Variants in MAPK14 observed in about 807,000 individuals in gnomAD.
The protein encoded by MAPK14 is mitogen-activated protein kinase 14, also known as CSAID-binding protein.
A neutral mutation model predicts 49.6 loss-of-function variants in MAPK14; 16 were observed. The observed-to-expected ratio is 0.32, with a 90% CI of 0.22 to 0.49. The LOEUF (loss-of-function observed/expected upper bound fraction) is 0.49, where lower values mean the gene tolerates loss of function less well. MAPK14 is among the 20% of genes least tolerant of loss of function. The pLI is 0.99. For synonymous variants in MAPK14, 142 were observed against 158.0 expected (o/e 0.90, Z 0.76); for missense variants, 200 against 441.2 (o/e 0.45, Z 4.90).
downstream of MAPK14, among the ~76,000 whole-genome samples, chr6:36,115,281 A>G (rs1239959979): frequency 6.6e-6 from 1 of 152,260 alleles, no homozygotes; most frequent in Non-Finnish European, 1.5e-5. Flanking sequence ...GCAGAAAAGA[A>G]GAAGGTGTAA....
intron 11 of MAPK14, 75 bp from the exon 12 acceptor site, chr6:36,108,305 T>C: frequency 9.1e-7 from 1 of 1,103,974 alleles, no homozygotes; most frequent in Admixed American, 1.7e-5. Flanking sequence ...GATCTTGAGC[T>C]TAGAAGTCAG....
At chr6:36,053,978 C>G (rs1163713275) in intron 2 of MAPK14, among the ~76,000 whole-genome samples, 1 of 126,418 alleles carries the variant, frequency 7.9e-6, no homozygotes, top group Non-Finnish European at 1.7e-5. Flanking sequence ...TATAATTTTA[C>G]TTAAGTAGCT....
At chr6:36,122,964 G>T in the MAPK14 span, among the ~76,000 whole-genome samples, 1 of 152,154 alleles carries the variant, frequency 6.6e-6, no homozygotes, top group East Asian at 1.9e-4. Flanking sequence ...CTGTGGAGGG[G>T]GAAGCGGGTG....
At chr6:36,068,216 A>G (rs1436039561) in intron 3 of MAPK14, among the ~76,000 whole-genome samples, 1 of 152,200 alleles carries the variant, frequency 6.6e-6, no homozygotes, top group Non-Finnish European at 1.5e-5. Flanking sequence ...GTCCTGAGGC[A>G]GACTGCATGA....
chr6:36,063,616 G>A (rs75410927), intron 3 of MAPK14, among the ~76,000 whole-genome samples: 2,651 of 152,222 alleles, frequency 0.017, 78 homozygotes, highest in African/African-American at 0.06. Flanking sequence ...TTGTTATGTG[G>A]TACATGACTA....
In MAPK14 at chr6:36,075,958, G is replaced by A. The variant is rs1263079779; in HGVS notation, c.606G>A (p.Gln202=). The A allele has an allele frequency of 6.2e-7, 1 of 1,614,048 alleles. No homozygotes were observed. Among genetic ancestry groups the A allele is most frequent in the Admixed American group, 1.7e-5 (1 of 60,018 alleles). The change falls in exon 7 of 12, where the codon CAG becomes CAA. Residue 202 remains glutamine, a synonymous_variant. Transcript: ENST00000229794. Reference sequence around the variant, plus strand: ...TGCTGAACTGGATGCATTACAACCAGACAGGTATTACTCGCCTTGGTTATT... The same window carrying A: ...TGCTGAACTGGATGCATTACAACCAAACAGGTATTACTCGCCTTGGTTATT... The part of the protein sequence containing the change: ...EIMLNWMHYN[Q]TVDIWSVGCI...
chr6:36,109,509 A>G lies in MAPK14; in HGVS notation c.*1062A>G, dbSNP rs1340327828. 1 of 152,648 alleles carries G rather than the reference A, an allele frequency of 6.6e-6. No homozygotes were observed. Among genetic ancestry groups the G allele is most frequent in the Non-Finnish European group, 1.5e-5 (1 of 68,038 alleles). The allele number at this position is 152,648 out of a possible 1,614,324, so 9.5% of individuals were successfully genotyped here. On this transcript the variant is annotated 3_prime_UTR_variant, in exon 12 of 12. Transcript: ENST00000229794. Reference sequence around the variant, plus strand: ...ATCCCATGTCACCTCAGCTGATATTATGGCAAGTGATATCACCTCTCTTCA... The same window carrying G: ...ATCCCATGTCACCTCAGCTGATATTGTGGCAAGTGATATCACCTCTCTTCA...
chr6:36,043,856 G>A (rs1284115063), intron 1 of MAPK14, among the ~76,000 whole-genome samples: 1 of 138,556 alleles, frequency 7.2e-6, no homozygotes, highest in Non-Finnish European at 1.5e-5. Flanking sequence ...TGTTGCCCAG[G>A]CTGGAGTGCA....
At chr6:36,087,161 A>G (rs1193840338) in intron 8 of MAPK14, among the ~76,000 whole-genome samples, 1 of 152,194 alleles carries the variant, frequency 6.6e-6, no homozygotes, top group East Asian at 1.9e-4. Flanking sequence ...TAAGCCATGT[A>G]AGACAAACCC....
rs140975355 is a variant in MAPK14, at chr6:36,092,461, C to T, written c.683-3526C>T. ...AGCGTTCTCTGCAGCACAGGGATGA[C>T]CGCTACATCATCACCAGTCTGTTCT... is the stretch of plus-strand genomic sequence containing the variant. On this transcript the variant is annotated intron_variant, in intron 8 of 11. Transcript: ENST00000229794. 217 of 648,364 alleles carry T rather than the reference C, an allele frequency of 3.3e-4. 1 individual carries two copies. The highest frequency in any genetic ancestry group is 1.2e-3 in the Middle Eastern group (4 of 3,422). The allele number at this position is 648,364 out of a possible 1,614,324, so 40.2% of individuals were successfully genotyped here.
intron 1 of MAPK14, among the ~76,000 whole-genome samples, chr6:36,034,350 T>G (rs1434265676): frequency 6.6e-6 from 1 of 152,268 alleles, no homozygotes; most frequent in Non-Finnish European, 1.5e-5. Flanking sequence ...AATTCTTCAG[T>G]GTACATTTAT....
chr6:36,046,360 T>C (rs1443079980), intron 1 of MAPK14, among the ~76,000 whole-genome samples: 2 of 152,218 alleles, frequency 1.3e-5, no homozygotes, highest in Non-Finnish European at 2.9e-5. Flanking sequence ...ATAAAGATAA[T>C]TTCATTTTAT....
rs1426625949 is a variant in MAPK14, at chr6:36,028,852, T to C, written c.116+579T>C. 1.3e-5 allele frequency among the ~76,000 whole-genome samples: 2 copies of C among 151,036 alleles called. No homozygotes were observed. Among genetic ancestry groups the C allele is most frequent in the African/African-American group, 4.9e-5 (2 of 40,890 alleles). On this transcript the variant is annotated intron_variant, in intron 1 of 11. Coordinates refer to ENST00000229794, the MANE Select transcript of MAPK14 (RefSeq NM_139012.3). The surrounding 1 kb of genome is among the most constrained non-coding windows in gnomAD (Gnocchi z 5.1). ...AATCCCATCTTGAAAAGCGTTCTTTTTGAATTCGCACTTGAATTAACAGCG... is the reference window on the plus strand; with the variant it reads ...AATCCCATCTTGAAAAGCGTTCTTTCTGAATTCGCACTTGAATTAACAGCG...
At chr6:36,097,779 G>A (rs894927406) in intron 9 of MAPK14, 1 of 152,158 alleles carries the variant, frequency 6.6e-6, no homozygotes, top group Non-Finnish European at 1.5e-5. Context: ...AACAATGAGT[G>A]CACAGCCTAA....
intron 2 of MAPK14, among the ~76,000 whole-genome samples, chr6:36,056,516 G>GGACCCAA (rs1474948219): frequency 6.6e-6 from 1 of 152,134 alleles, no homozygotes; most frequent in Admixed American, 6.6e-5. Context: ...ATAAGCTCTT[G>GGACCCAA]GACCCAAGAA....
At chr6:36,060,392 C>G (rs999859127) in intron 3 of MAPK14, among the ~76,000 whole-genome samples, 2 of 152,188 alleles carry the variant, frequency 1.3e-5, no homozygotes, top group African/African-American at 2.4e-5. Flanking sequence ...TGACACAGCT[C>G]TCCCTGCCCC....
chr6:36,062,525 A>G (rs1322203269), intron 3 of MAPK14, among the ~76,000 whole-genome samples: 1 of 152,250 alleles, frequency 6.6e-6, no homozygotes, highest in African/African-American at 2.4e-5. Context: ...CAAACCAGAC[A>G]TAATTTAGGC....
intron 8 of MAPK14, among the ~76,000 whole-genome samples, chr6:36,088,527 CCTGA>C (rs1211480798): frequency 2.6e-5 from 4 of 152,014 alleles, no homozygotes; most frequent in South Asian, 2.1e-4. Flanking sequence ...TCGAGATCAT[CCTGA>C]CTAATTTGGC....
At chr6:36,049,965 C>T (rs538169489) in intron 1 of MAPK14, among the ~76,000 whole-genome samples, 5 of 152,236 alleles carry the variant, frequency 3.3e-5, no homozygotes, top group African/African-American at 1.2e-4. Flanking sequence ...AAGGCAAGGG[C>T]AACTCTTGAG....
Sources: gnomAD v4.1 joint callset for allele counts (sites outside exome capture counted in the v4.1 genomes callset) on GRCh38, gnomAD v4.1.1 for gene constraint, Gnocchi (gnomAD v3.1) non-coding constraint, MANE v1.5 for transcripts, NCBI Gene and HGNC (gene_info 2026-07-23, HGNC 2026-07-21) for gene names.